Variants in NADSYN1 observed in about 807,000 individuals in gnomAD.
NADSYN1 encodes NAD synthetase 1.
A neutral mutation model predicts 99.3 loss-of-function variants in NADSYN1; 80 were observed. The observed-to-expected ratio is 0.81, with a 90% CI of 0.67 to 0.97. The LOEUF (loss-of-function observed/expected upper bound fraction) is 0.97, where lower values mean the gene tolerates loss of function less well. Ranked by LOEUF, NADSYN1 falls within the 50% of genes least tolerant of loss-of-function variation. The pLI, the probability that NADSYN1 is intolerant of heterozygous loss-of-function variation, is 0.00. For synonymous variants in NADSYN1, 385 were observed against 372.1 expected (o/e 1.03, Z -0.40); for missense variants, 859 against 948.5 (o/e 0.91, Z 1.24).
chr11:71,472,014 A>G (rs758385164), intron 5 of NADSYN1, among the ~76,000 whole-genome samples: 1 of 152,170 alleles, frequency 6.6e-6, no homozygotes, highest in Non-Finnish European at 1.5e-5. Context: ...TCGAATTGAG[A>G]GCATCATTTT....
chr11:71,458,592 GC>G (rs1323607590), intron 3 of NADSYN1, 48 bp downstream of exon 3: 1 of 1,408,052 alleles, frequency 7.1e-7, no homozygotes. Context: ...ACAAAGGCAA[GC>G]TCAAGGGCAT....
rs1388968403 is a variant in NADSYN1, at chr11:71,497,573, C to A, written c.1855C>A (p.Leu619Ile). Residue 619 changes from leucine (L) to isoleucine (I), a missense_variant, in exon 19 of 21, where the codon CTC becomes ATC. Transcript: ENST00000319023. ...KMGPYSMFCK[L>I]LGMWRHICTP... ...GGGGCCCTACAGCATGTTCTGCAAA[C>A]TCCTCGGCATGTGGAGACACATCTG... 3.7e-6 allele frequency: 6 copies of A among 1,614,038 alleles called. No homozygotes were observed. Among genetic ancestry groups the A allele is most frequent in the Admixed American group, 1.7e-5 (1 of 59,998 alleles).
In NADSYN1 at chr11:71,489,437, A is replaced by G. The variant is rs147040503; in HGVS notation, c.1563-1408A>G. 2.8e-4 allele frequency among the ~76,000 whole-genome samples: 42 copies of G among 149,288 alleles called. 2 individuals are homozygous for G. The highest frequency in any genetic ancestry group is 1.0e-3 in the African/African-American group (41 of 40,066). On this transcript the variant is annotated intron_variant, in intron 16 of 20. Coordinates refer to ENST00000319023, the MANE Select transcript of NADSYN1 (RefSeq NM_018161.5). ...CAAGATGAGGCAGCATCCTGGCCCC[A>G]CGGGTCGCAGGTTGAGCTGAGCTCT...
chr11:71,455,438 A>G, intron 2 of NADSYN1: 1 of 455,320 alleles, frequency 2.2e-6, no homozygotes, highest in Non-Finnish European at 3.9e-6. Context: ...CTTCTGTGTT[A>G]CCACTGCCCT....
intron 9 of NADSYN1, chr11:71,474,833 G>T (rs774313640): frequency 2.6e-6 from 1 of 391,618 alleles, no homozygotes; most frequent in Non-Finnish European, 4.9e-6. Flanking sequence ...TGGTGAGGGG[G>T]GACCTCCCGC....
At chr11:71,497,735 C>T in intron 19 of NADSYN1, 124 bp downstream of exon 19, 1 of 1,221,268 alleles carries the variant, frequency 8.2e-7, no homozygotes, top group Non-Finnish European at 1.2e-6. Flanking sequence ...AACTGTATCT[C>T]ACACAGTAAC....
At chr11:71,468,811 G>T (rs973692853) in intron 5 of NADSYN1, among the ~76,000 whole-genome samples, 2 of 152,160 alleles carry the variant, frequency 1.3e-5, no homozygotes, top group Non-Finnish European at 2.9e-5. Context: ...CCAACCAAAA[G>T]CCAGGTTCAT....
rs34989018 is a variant in NADSYN1, at chr11:71,478,469, G to A, written c.873G>A (p.Ala291=). ...CGGAGATTTCATCTCGAAACCTGGC[G>A]GTGAGTGCTCCAGTAGACACCTGTG... The part of the protein sequence containing the change: ...YRAEISSRNL[A]ASRASPYPRV... The change falls in exon 10 of 21, where the codon GCG becomes GCA. Residue 291 remains alanine (A), a splice_region_variant and synonymous_variant. Coordinates refer to ENST00000319023, the MANE Select transcript of NADSYN1 (RefSeq NM_018161.5). The A allele has an allele frequency of 8.6e-5, 138 of 1,600,526 alleles. 2 individuals are homozygous for A. The highest frequency in any genetic ancestry group is 1.6e-4 in the South Asian group (14 of 88,538).
intron 1 of NADSYN1, 80 bp downstream of exon 1, chr11:71,453,461 C>A: frequency 7.6e-7 from 1 of 1,318,742 alleles, no homozygotes; most frequent in Non-Finnish European, 1.1e-6. Context: ...CCGTGGCGTG[C>A]TCACAGCCTT....
intron 15 of NADSYN1, 95 bp from the exon 16 acceptor site, chr11:71,485,447 A>G: frequency 2.1e-6 from 2 of 946,032 alleles, no homozygotes; most frequent in Non-Finnish European, 3.1e-6. Context: ...CTCCTAAGCT[A>G]TTTTAATTTT....
intron 5 of NADSYN1, chr11:71,466,783 A>G (rs1465851677): frequency 6.6e-6 from 1 of 152,178 alleles, no homozygotes; most frequent in Non-Finnish European, 1.5e-5. Context: ...CGGATACAAT[A>G]TGTATGCATT....
chr11:71,473,008 C>T (rs1355835612), intron 6 of NADSYN1, among the ~76,000 whole-genome samples: 1 of 152,250 alleles, frequency 6.6e-6, no homozygotes, highest in Non-Finnish European at 1.5e-5. Context: ...CCCCAATTGG[C>T]AGCCCCATCG....
chr11:71,498,677 G>A (rs1019637987), intron 20 of NADSYN1, 149 bp downstream of exon 20: 2 of 855,858 alleles, frequency 2.3e-6, no homozygotes, highest in African/African-American at 3.4e-5. Flanking sequence ...TATGTTTAAA[G>A]CGTTTTTTAA....
At chr11:71,473,467 GCC>G in intron 7 of NADSYN1, 100 bp from the exon 8 acceptor site, 1 of 1,537,202 alleles carries the variant, frequency 6.5e-7, no homozygotes, top group African/African-American at 1.4e-5. Flanking sequence ...CGTGGCCGTG[GCC>G]GTGGGCTGGG....
chr11:71,480,726 G>A (rs1949700376), intron 10 of NADSYN1, 29 bp from the exon 11 acceptor site: 1 of 1,613,750 alleles, frequency 6.2e-7, no homozygotes. Flanking sequence ...GAAGCTGGGA[G>A]TCATTCTGTC....
intron 12 of NADSYN1, 37 bp from the exon 13 acceptor site, chr11:71,481,886 G>A (rs777954567): frequency 3.0e-5 from 48 of 1,584,074 alleles, no homozygotes; most frequent in African/African-American, 5.4e-5. Context: ...CTGCTTCTCC[G>A]AGGCTCTGCT....
chr11:71,477,469 A>C (rs1376879716), intron 9 of NADSYN1: 3 of 1,286,848 alleles, frequency 2.3e-6, no homozygotes, highest in African/African-American at 3.0e-5. Flanking sequence ...GGTAGGAGCA[A>C]GGGGCGCGCA....
intron 8 of NADSYN1, among the ~76,000 whole-genome samples, chr11:71,474,148 G>A (rs1342302287): frequency 6.6e-6 from 1 of 152,196 alleles, no homozygotes; most frequent in Admixed American, 6.5e-5. Context: ...GAGGTGATGG[G>A]GTCTGCCTTG....
At chr11:71,476,135 G>A (rs1200264534) in intron 9 of NADSYN1, 1 of 456,230 alleles carries the variant, frequency 2.2e-6, no homozygotes, top group Non-Finnish European at 4.4e-6. Context: ...GCCGGCGTGG[G>A]TGGGAGCGTC....
Sources: gnomAD v4.1 joint callset for allele counts (sites outside exome capture counted in the v4.1 genomes callset) on GRCh38, gnomAD v4.1.1 for gene constraint, MANE v1.5 for transcripts, NCBI Gene and HGNC (gene_info 2026-07-23, HGNC 2026-07-21) for gene names.